The following CNTNAP2 variants were observed in gnomAD, a reference collection of about 807,000 sequenced individuals.
CNTNAP2 encodes contactin-associated protein-like 2.
A neutral mutation model predicts 155.2 loss-of-function variants in CNTNAP2; 98 were observed. That is an observed-to-expected ratio of 0.63 (90% CI 0.54 to 0.75). The LOEUF (loss-of-function observed/expected upper bound fraction) is 0.75. Among genes scored for constraint, CNTNAP2 ranks in the 30% least tolerant of loss-of-function variants. The pLI, the probability that CNTNAP2 is intolerant of heterozygous loss-of-function variation, is 0.00. For synonymous variants in CNTNAP2, 651 were observed against 631.2 expected, an observed-to-expected ratio of 1.03 and a Z score of -0.47; for missense variants, 1,727 against 1,688.1, an observed-to-expected ratio of 1.02 and a Z score of -0.40.
chr7:147,617,145 T>C (rs1473109765), intron 12 of CNTNAP2, among the ~76,000 whole-genome samples: 1 of 152,154 alleles, frequency 6.6e-6, no homozygotes, highest in African/African-American at 2.4e-5. Context: ...CACCTTCTCC[T>C]TCTTCATGCG....
chr7:147,172,124 G>A (rs899799430), intron 8 of CNTNAP2, among the ~76,000 whole-genome samples: 1 of 152,156 alleles, frequency 6.6e-6, no homozygotes, highest in East Asian at 1.9e-4. Flanking sequence ...TTCTCAGTCG[G>A]TGATTTTGAA....
Position 148,418,244 on chromosome 7 carries a change from TTCTTCCAACTCTC to T in CNTNAP2, c.*2631_*2643del, listed in dbSNP as rs1356251656. Reference sequence around the variant, plus strand: ...TATGTGAAGAAAAAGAATTAAGTCTTTCTTCCAACTCTCTCCTTGGATAGCCTAGCACAGTGCA... The same window carrying T: ...TATGTGAAGAAAAAGAATTAAGTCTTTCCTTGGATAGCCTAGCACAGTGCA... On this transcript the variant is annotated 3_prime_UTR_variant, in exon 24 of 24. Coordinates refer to ENST00000361727, the MANE Select transcript of CNTNAP2 (RefSeq NM_014141.6). The T allele has an allele frequency of 6.6e-6, 1 of 152,200 alleles. No homozygotes were observed. The highest frequency in any genetic ancestry group is 2.4e-5 in the African/African-American group (1 of 41,450). 9.4% of individuals were successfully genotyped at this position (152,200 alleles called of 1,614,324 possible).
At chr7:147,187,535 C>T (rs754069943) in intron 8 of CNTNAP2, among the ~76,000 whole-genome samples, 1 of 152,028 alleles carries the variant, frequency 6.6e-6, no homozygotes, top group African/African-American at 2.4e-5. Context: ...ACTACATGTT[C>T]CCACTTGTAA....
intron 10 of CNTNAP2, among the ~76,000 whole-genome samples, chr7:147,398,589 C>CTTT (rs58507416): frequency 0.23 from 20,271 of 87,306 alleles, 2,748 homozygotes; most frequent in Non-Finnish European, 0.3. Flanking sequence ...ACGATTTGAA[C>CTTT]TTTTTTTTTT....
At chr7:148,364,244 G>C (rs1798686774) in intron 21 of CNTNAP2, among the ~76,000 whole-genome samples, 1 of 152,250 alleles carries the variant, frequency 6.6e-6, no homozygotes, top group Non-Finnish European at 1.5e-5. Context: ...CCCAGTGCGG[G>C]ATCCACTAGG....
intron 11 of CNTNAP2, among the ~76,000 whole-genome samples, chr7:147,554,233 C>G (rs946599735): frequency 6.6e-6 from 1 of 151,902 alleles, no homozygotes; most frequent in South Asian, 2.1e-4. Flanking sequence ...TCATGTAATA[C>G]AGGAAAATTT....
intron 10 of CNTNAP2, among the ~76,000 whole-genome samples, chr7:147,416,447 G>T (rs1797195343): frequency 1.3e-5 from 2 of 152,094 alleles, no homozygotes; most frequent in South Asian, 2.1e-4. Context: ...GACTTAGTTG[G>T]GTTTTTGGTT....
intron 21 of CNTNAP2, among the ~76,000 whole-genome samples, chr7:148,329,670 A>G (rs1797951933): frequency 6.6e-6 from 1 of 152,222 alleles, no homozygotes. Context: ...TTTTCTGATC[A>G]ATAGTCCCAA....
At chr7:146,854,027 G>A (rs756568554) in intron 3 of CNTNAP2, among the ~76,000 whole-genome samples, 2 of 152,156 alleles carry the variant, frequency 1.3e-5, no homozygotes, top group South Asian at 2.1e-4. Flanking sequence ...ATTTCTATAG[G>A]AGAGAAAACA....
At chr7:147,042,282 A>G (rs1386834569) in intron 3 of CNTNAP2, among the ~76,000 whole-genome samples, 1 of 152,210 alleles carries the variant, frequency 6.6e-6, no homozygotes, top group African/African-American at 2.4e-5. Context: ...TAAAACATGT[A>G]ATTGTCCATG....
At chr7:147,604,617 A>G (rs1247730880) in intron 12 of CNTNAP2, among the ~76,000 whole-genome samples, 3 of 152,222 alleles carry the variant, frequency 2.0e-5, no homozygotes, top group African/African-American at 4.8e-5. Context: ...AATAGGAAGC[A>G]TAATTCATTT....
intron 8 of CNTNAP2, among the ~76,000 whole-genome samples, chr7:147,184,417 A>C (rs1353382167): frequency 6.6e-6 from 1 of 152,168 alleles, no homozygotes; most frequent in Non-Finnish European, 1.5e-5. Context: ...ATGAAGTTTC[A>C]TCTGATGCAT....
chr7:147,222,821 T>G (rs1803435228), intron 8 of CNTNAP2, among the ~76,000 whole-genome samples: 1 of 149,606 alleles, frequency 6.7e-6, no homozygotes, highest in Non-Finnish European at 1.5e-5. Context: ...GTTTTTTTTT[T>G]TTTTTTTTTT....
chr7:147,003,456 TATCTA>T (rs1228034735), intron 3 of CNTNAP2, among the ~76,000 whole-genome samples: 1 of 151,934 alleles, frequency 6.6e-6, no homozygotes, highest in Non-Finnish European at 1.5e-5. Flanking sequence ...TTAATACAAA[TATCTA>T]ATATTATTAA....
chr7:147,618,331 G>A (rs1801331208), intron 12 of CNTNAP2, among the ~76,000 whole-genome samples: 1 of 152,050 alleles, frequency 6.6e-6, no homozygotes, highest in African/African-American at 2.4e-5. Context: ...ACCCAGTCTA[G>A]CAAGATTTAT....
chr7:146,648,866 AGAG>A (rs1241018530), intron 1 of CNTNAP2, among the ~76,000 whole-genome samples: 1 of 152,116 alleles, frequency 6.6e-6, no homozygotes, highest in African/African-American at 2.4e-5. Flanking sequence ...TCAAATCAAC[AGAG>A]GAGAGAAGTG....
At chr7:146,625,069 T>G (rs1410696005) in intron 1 of CNTNAP2, among the ~76,000 whole-genome samples, 3 of 152,024 alleles carry the variant, frequency 2.0e-5, no homozygotes, top group East Asian at 1.9e-4. Context: ...TCAAGTGCAT[T>G]CATACAAGAA....
At chr7:146,192,832 G>A (rs1213605771) in intron 1 of CNTNAP2, among the ~76,000 whole-genome samples, 2 of 152,158 alleles carry the variant, frequency 1.3e-5, no homozygotes, top group Admixed American at 6.5e-5. Flanking sequence ...AACTGAGAAA[G>A]GGCAAGTCCC....
At chr7:147,464,406 A>C (rs1798077893) in intron 10 of CNTNAP2, among the ~76,000 whole-genome samples, 1 of 149,516 alleles carries the variant, frequency 6.7e-6, no homozygotes, top group African/African-American at 2.5e-5. Context: ...GGTGGAGGTT[A>C]CAGTGGGCCA....
Sources: gnomAD v4.1 joint callset for allele counts (sites outside exome capture counted in the v4.1 genomes callset) on GRCh38, gnomAD v4.1.1 for gene constraint, MANE v1.5 for transcripts, NCBI Gene and HGNC (gene_info 2026-07-23, HGNC 2026-07-21) for gene names.